Variants in EPN2 observed in about 807,000 individuals in gnomAD.
EPN2 encodes the protein epsin-2.
EPN2 carries 34 observed loss-of-function variants against 61.7 expected under a neutral mutation model. The observed-to-expected ratio is 0.55, with a 90% confidence interval of 0.42 to 0.73. The LOEUF (loss-of-function observed/expected upper bound fraction) is 0.73. Among genes scored for constraint, EPN2 ranks in the 30% least tolerant of loss-of-function variants. EPN2 has a pLI of 0.00. For synonymous variants in EPN2, 349 were observed against 353.6 expected (o/e 0.99, Z 0.15); for missense variants, 714 against 839.2 (o/e 0.85, Z 1.84).
chr17:19,310,124 G>C, intron 5 of EPN2, 127 bp downstream of exon 5: 2 of 680,874 alleles, frequency 2.9e-6, no homozygotes, highest in South Asian at 3.3e-5. Flanking sequence ...TGCTGAGATG[G>C]CATTTCATGC....
At chr17:19,328,370 T>C (rs1326344474) in intron 7 of EPN2, among the ~76,000 whole-genome samples, 1 of 152,092 alleles carries the variant, frequency 6.6e-6, no homozygotes, top group African/African-American at 2.4e-5. Context: ...TTTCAGATAG[T>C]CCATCGAAGT....
At chr17:19,320,945 CTG>C (rs758049221) in intron 7 of EPN2, among the ~76,000 whole-genome samples, 6 of 152,184 alleles carry the variant, frequency 3.9e-5, no homozygotes, top group Non-Finnish European at 7.3e-5. Flanking sequence ...AGCACACCCT[CTG>C]TGTGTCAGGC....
At position 19,331,865 on chromosome 17, in the gene EPN2, C is replaced by T. The variant is rs763806710; in HGVS notation, c.1424C>T (p.Thr475Ile). ...RTSKKTAESV[T>I]SLPSQNNGTT... is the part of the protein sequence containing the mutation. Reference sequence around the variant, plus strand: ...CCTTGTCTTGTAGCCGAATCTGTGACCTCTCTGCCATCCCAAAACAATGGA... The same window carrying T: ...CCTTGTCTTGTAGCCGAATCTGTGATCTCTCTGCCATCCCAAAACAATGGA... Residue 475 changes from threonine (T) to isoleucine (I), a missense_variant, in exon 10 of 11, where the codon ACC (threonine) becomes ATC (isoleucine). This residue lies in a region of EPN2 where 410 missense variants were observed against 421.8 expected (regional missense o/e 0.97). Transcript: ENST00000314728. 9 of 1,614,100 alleles carry T rather than the reference C, an allele frequency of 5.6e-6. No homozygotes were observed. In the Admixed American group the frequency reaches 1.2e-4, roughly 21 times the overall value.
intron 1 of EPN2, among the ~76,000 whole-genome samples, chr17:19,270,594 A>G (rs1404715132): frequency 6.6e-6 from 1 of 151,844 alleles, no homozygotes; most frequent in South Asian, 2.1e-4. Context: ...TGCCAGTCGT[A>G]CTCTTACCAA....
chr17:19,240,156 T>C (rs913673981), intron 1 of EPN2, among the ~76,000 whole-genome samples: 1 of 152,200 alleles, frequency 6.6e-6, no homozygotes, highest in Non-Finnish European at 1.5e-5. Flanking sequence ...CTCTGGTGTA[T>C]AGGGGTGTGA....
intron 4 of EPN2, among the ~76,000 whole-genome samples, chr17:19,288,058 C>G (rs535004570): frequency 6.6e-6 from 1 of 152,352 alleles, no homozygotes; most frequent in East Asian, 1.9e-4. Flanking sequence ...GGTCCTGAGT[C>G]TCAGCCCCTT....
intron 4 of EPN2, among the ~76,000 whole-genome samples, chr17:19,295,826 CG>C (rs2045514493): frequency 1.3e-5 from 2 of 152,142 alleles, no homozygotes; most frequent in Non-Finnish European, 2.9e-5. Context: ...CCAGGTGCCG[CG>C]GTGGCACTGA....
intron 1 of EPN2, among the ~76,000 whole-genome samples, chr17:19,266,320 ACTC>A (rs1208893877): frequency 6.6e-6 from 1 of 151,718 alleles, no homozygotes; most frequent in Non-Finnish European, 1.5e-5. Flanking sequence ...CAGCAGCTTC[ACTC>A]CTCAGTATAT....
At chr17:19,324,806 A>G (rs1906795630) in intron 7 of EPN2, among the ~76,000 whole-genome samples, 1 of 152,254 alleles carries the variant, frequency 6.6e-6, no homozygotes, top group Non-Finnish European at 1.5e-5. Context: ...TGAAAAGAAC[A>G]TAAACACATA....
At chr17:19,314,651 C>CGTAT (rs1906302396) in intron 7 of EPN2, among the ~76,000 whole-genome samples, 2 of 152,228 alleles carry the variant, frequency 1.3e-5, no homozygotes, top group Non-Finnish European at 2.9e-5. Context: ...GGGCCTTATA[C>CGTAT]CCCCTTTGGC....
rs563703505 is a variant in EPN2 at position 19,331,141 on chromosome 17, G to T, written c.1412-712G>T. On this transcript the variant is annotated intron_variant, in intron 9 of 10. Transcript: ENST00000314728. ...TTTAAAACTTGTTAAAAAATACTTT[G>T]TTGCTATATAATCTCTCTTTATATG... 7.2e-5 allele frequency among the ~76,000 whole-genome samples: 11 copies of T among 152,258 alleles called. No individual in the cohort carries two copies. The South Asian group carries it at 2.3e-3, about 32-fold the overall frequency.
chr17:19,330,737 GC>G (rs1365538832), intron 9 of EPN2: 41 of 152,342 alleles, frequency 2.7e-4, no homozygotes, highest in African/African-American at 9.9e-4. Context: ...GCTCACACCT[GC>G]AATCCCAGCA....
chr17:19,324,069 C>G (rs924125259), intron 7 of EPN2, among the ~76,000 whole-genome samples: 2 of 152,152 alleles, frequency 1.3e-5, no homozygotes, highest in Non-Finnish European at 2.9e-5. Context: ...ATTTGTTGTT[C>G]CCAGCAATTG....
chr17:19,249,766 C>T (rs967796499), intron 1 of EPN2, among the ~76,000 whole-genome samples: 1 of 152,120 alleles, frequency 6.6e-6, no homozygotes, highest in Non-Finnish European at 1.5e-5. Flanking sequence ...AATGCAGTGG[C>T]TTAAAACAAT....
In EPN2 at chr17:19,335,174, T is replaced by TAAA; in HGVS notation, c.*928_*930dup. ...TTACACATAGATGATGATGTTTATT[T>TAAA]AAAAAAAAAACAACAGCAACAAAAA... On this transcript the variant is annotated 3_prime_UTR_variant, in exon 11 of 11. Transcript: ENST00000314728. The TAAA allele has an allele frequency of 5.8e-6, 2 of 345,792 alleles. No individual in the cohort carries two copies. Among genetic ancestry groups the TAAA allele is most frequent in the African/African-American group, 2.1e-5 (1 of 47,038 alleles). 21.4% of individuals were successfully genotyped at this position (345,792 alleles called of 1,614,324 possible).
chr17:19,312,028 C>T, intron 5 of EPN2, 24 bp from the exon 6 acceptor site: 1 of 1,488,818 alleles, frequency 6.7e-7, no homozygotes, highest in Non-Finnish European at 9.4e-7. Flanking sequence ...ATTACAATTA[C>T]CAGTTTGCAT....
chr17:19,244,502 G>A (rs947553794), intron 1 of EPN2, among the ~76,000 whole-genome samples: 1 of 152,016 alleles, frequency 6.6e-6, no homozygotes, highest in African/African-American at 2.4e-5. Flanking sequence ...AAAGGTTGAG[G>A]GAGTAATGTT....
chr17:19,288,532 A>C lies in EPN2; in HGVS notation c.766+2742A>C, dbSNP rs375197793. Among the ~76,000 whole-genome samples, 236 of 152,232 alleles carry C rather than the reference A, an allele frequency of 1.6e-3. 5 individuals carry two copies. In the South Asian group the frequency reaches 0.048, roughly 31 times the overall value. On this transcript the variant is annotated intron_variant, in intron 4 of 10. Coordinates refer to ENST00000314728, the MANE Select transcript of EPN2 (RefSeq NM_014964.5). ...GGTGAGCCTTGTGGAGGTTGGAAAGAGCCTTCCAGGCAGAAGGGCAGCTGT... is the reference window on the plus strand; with the variant it reads ...GGTGAGCCTTGTGGAGGTTGGAAAGCGCCTTCCAGGCAGAAGGGCAGCTGT...
chr17:19,245,172 G>A (rs1291532455), intron 1 of EPN2, among the ~76,000 whole-genome samples: 6 of 152,194 alleles, frequency 3.9e-5, no homozygotes, highest in African/African-American at 1.4e-4. Context: ...CTGCCTGGAT[G>A]TGTACAGCAG....
Sources: allele counts gnomAD v4.1 joint callset (sites outside exome capture counted in the v4.1 genomes callset), GRCh38; gene constraint gnomAD v4.1.1; regional missense constraint gnomAD v4.1.1; transcripts MANE v1.5; gene names NCBI Gene and HGNC (gene_info 2026-07-23, HGNC 2026-07-21).